The following MSI2 variants were observed in gnomAD, a reference collection of about 807,000 sequenced individuals.
MSI2 encodes RNA-binding protein Musashi homolog 2.
A neutral mutation model predicts 45.6 loss-of-function variants in MSI2; 17 were observed. The observed-to-expected ratio is 0.37, with a 90% CI of 0.26 to 0.56. The LOEUF (loss-of-function observed/expected upper bound fraction) is 0.56. Ranked by LOEUF, MSI2 falls within the 20% of genes least tolerant of loss-of-function variation. The pLI is 0.77. For missense variants in MSI2, 293 were observed against 444.2 expected (o/e 0.66, Z 3.06); for synonymous variants, 156 against 158.2 (o/e 0.99, Z 0.11).
chr17:57,516,716 G>C (rs2086477128), intron 6 of MSI2, among the ~76,000 whole-genome samples: 1 of 152,192 alleles, frequency 6.6e-6, no homozygotes, highest in Non-Finnish European at 1.5e-5. Context: ...CAATGCTGGG[G>C]TGAAGGTTAA....
intron 5 of MSI2, among the ~76,000 whole-genome samples, chr17:57,333,701 C>CA (rs891724730): frequency 2.0e-5 from 3 of 151,948 alleles, no homozygotes; most frequent in African/African-American, 7.3e-5. Flanking sequence ...CTCCGCCTCC[C>CA]AAAGTGCTGG....
chr17:57,307,909 G>A (rs1166121109), intron 5 of MSI2, among the ~76,000 whole-genome samples: 1 of 152,020 alleles, frequency 6.6e-6, no homozygotes, highest in Non-Finnish European at 1.5e-5. Context: ...CTCTCTCTTG[G>A]ACCATAACCT....
chr17:57,575,306 C>T (rs1434352272), intron 7 of MSI2, among the ~76,000 whole-genome samples: 2 of 152,000 alleles, frequency 1.3e-5, no homozygotes, highest in Non-Finnish European at 2.9e-5. Context: ...CATCATTTGC[C>T]CTAGATGCTC....
chr17:57,649,353 A>G (rs1160960220), intron 10 of MSI2, among the ~76,000 whole-genome samples: 2 of 151,636 alleles, frequency 1.3e-5, no homozygotes, highest in Non-Finnish European at 2.9e-5. Flanking sequence ...CCCAACACAT[A>G]TACACAACAC....
At chr17:57,599,690 C>T (rs368843715) in intron 8 of MSI2, among the ~76,000 whole-genome samples, 1 of 152,164 alleles carries the variant, frequency 6.6e-6, no homozygotes, top group South Asian at 2.1e-4. Flanking sequence ...ATTCGGATGA[C>T]AGGCTTTGGA....
intron 8 of MSI2, among the ~76,000 whole-genome samples, chr17:57,613,257 C>G (rs561343387): frequency 6.6e-6 from 1 of 152,286 alleles, no homozygotes; most frequent in South Asian, 2.1e-4. Flanking sequence ...GTATTTTTCC[C>G]TATATGATAT....
chr17:57,657,455 C>T (rs1389580200), intron 11 of MSI2, among the ~76,000 whole-genome samples: 1 of 152,066 alleles, frequency 6.6e-6, no homozygotes, highest in Non-Finnish European at 1.5e-5. Flanking sequence ...GCAGAAAATC[C>T]CCTCCCACTG....
At chr17:57,628,247 C>T (rs768082455) in intron 10 of MSI2, 1 of 152,290 alleles carries the variant, frequency 6.6e-6, no homozygotes, top group Non-Finnish European at 1.5e-5. Context: ...GCCTTGTCGT[C>T]ATGCCTAGAC....
intron 11 of MSI2, among the ~76,000 whole-genome samples, chr17:57,663,403 C>T (rs570553294): frequency 6.6e-6 from 1 of 152,316 alleles, no homozygotes; most frequent in Non-Finnish European, 1.5e-5. Flanking sequence ...TTGATGCCTG[C>T]GTGCCTGTGG....
At chr17:57,281,995 G>A (rs1402926698) in intron 5 of MSI2, among the ~76,000 whole-genome samples, 1 of 152,194 alleles carries the variant, frequency 6.6e-6, no homozygotes, top group East Asian at 1.9e-4. Flanking sequence ...GGCTGAGGAT[G>A]TCAACATTTT....
intron 6 of MSI2, chr17:57,448,513 A>C (rs2084939175): frequency 6.6e-6 from 1 of 152,224 alleles, no homozygotes; most frequent in African/African-American, 2.4e-5. Context: ...AGAGCAACAC[A>C]GCAGTGGAAA....
chr17:57,346,783 T>A (rs1915652652), intron 5 of MSI2, among the ~76,000 whole-genome samples: 1 of 152,090 alleles, frequency 6.6e-6, no homozygotes, highest in African/African-American at 2.4e-5. Context: ...ATTTTTCTAT[T>A]TTTTGTAGCG....
At chr17:57,303,489 A>T (rs1911598041) in intron 5 of MSI2, among the ~76,000 whole-genome samples, 1 of 152,246 alleles carries the variant, frequency 6.6e-6, no homozygotes, top group African/African-American at 2.4e-5. Context: ...ATACAACTAT[A>T]TAAATATTAC....
At chr17:57,574,878 T>G (rs1275910247) in intron 7 of MSI2, among the ~76,000 whole-genome samples, 1 of 148,134 alleles carries the variant, frequency 6.8e-6, no homozygotes, top group Non-Finnish European at 1.5e-5. Flanking sequence ...TCGCCCAGGC[T>G]GGAGTGCAGT....
chr17:57,560,728 AC>A (rs1481418344), intron 7 of MSI2, among the ~76,000 whole-genome samples: 2 of 152,208 alleles, frequency 1.3e-5, no homozygotes, highest in African/African-American at 4.8e-5. Context: ...ATTAACAATT[AC>A]TGCCGGTATG....
At chr17:57,320,025 T>C (rs1913198228) in intron 5 of MSI2, among the ~76,000 whole-genome samples, 1 of 152,102 alleles carries the variant, frequency 6.6e-6, no homozygotes, top group African/African-American at 2.4e-5. Context: ...CCCCTCCTAC[T>C]TGGCCCTTCC....
intron 7 of MSI2, among the ~76,000 whole-genome samples, chr17:57,583,488 C>CTTTTTTTTTTTTTTTTTT (rs5821192): frequency 8.2e-5 from 8 of 98,024 alleles, no homozygotes; most frequent in East Asian, 7.0e-4. Context: ...CCCAATGTTT[C>CTTTTTTTTTTTTTTTTTT]TTTTTTTTTT....
intron 3 of MSI2, 80 bp from the exon 4 acceptor site, chr17:57,258,190 A>G (rs573260711): frequency 1.3e-5 from 17 of 1,274,426 alleles, no homozygotes; most frequent in Non-Finnish European, 1.8e-5. Context: ...CTCCTCATTC[A>G]GCCTTAGGTC....
intron 6 of MSI2, among the ~76,000 whole-genome samples, chr17:57,445,912 T>C (rs1182465751): frequency 2.0e-5 from 3 of 152,124 alleles, no homozygotes; most frequent in East Asian, 3.8e-4. Context: ...ACGGAATGAG[T>C]TTCGTTGATT....
Sources: allele counts gnomAD v4.1 joint callset (sites outside exome capture counted in the v4.1 genomes callset), GRCh38; gene constraint gnomAD v4.1.1; transcripts MANE v1.5; gene names NCBI Gene and HGNC (gene_info 2026-07-23, HGNC 2026-07-21).